Variants in NLGN1 observed in about 807,000 individuals in gnomAD.
The protein encoded by NLGN1 is neuroligin-1.
A neutral mutation model predicts 65.5 loss-of-function variants in NLGN1; 12 were observed. The observed-to-expected ratio is 0.18, with a 90% CI of 0.12 to 0.30. NLGN1 has a LOEUF of 0.30. NLGN1 is among the 10% of genes least tolerant of loss of function. The pLI is 1.00. For missense variants in NLGN1, 750 were observed against 1,007.1 expected, an observed-to-expected ratio of 0.74 and a Z score of 3.46; for synonymous variants, 350 against 359.5, an observed-to-expected ratio of 0.97 and a Z score of 0.30.
intron 2 of NLGN1, among the ~76,000 whole-genome samples, chr3:173,530,061 A>G (rs1736310723): frequency 6.6e-6 from 1 of 151,748 alleles, no homozygotes; most frequent in African/African-American, 2.4e-5. Context: ...GGGTTCAAGC[A>G]ATTATCCTGC....
At chr3:173,431,130 A>G (rs570251662) in intron 1 of NLGN1, among the ~76,000 whole-genome samples, 4 of 152,148 alleles carry the variant, frequency 2.6e-5, no homozygotes, top group South Asian at 2.1e-4. Context: ...AACTTTCCCT[A>G]TTTCACTAGT....
intron 2 of NLGN1, among the ~76,000 whole-genome samples, chr3:173,479,120 A>C (rs1006842893): frequency 3.9e-5 from 6 of 152,190 alleles, no homozygotes; most frequent in Non-Finnish European, 8.8e-5. Flanking sequence ...TAAATAAACA[A>C]GGCTGTTTGC....
intron 4 of NLGN1, among the ~76,000 whole-genome samples, chr3:174,131,737 T>C (rs538850821): frequency 1.3e-5 from 2 of 152,306 alleles, no homozygotes; most frequent in African/African-American, 4.8e-5. Flanking sequence ...TCAAATACTA[T>C]TAGTGAAATT....
intron 3 of NLGN1, among the ~76,000 whole-genome samples, chr3:173,800,697 G>GT (rs936222108): frequency 6.7e-6 from 1 of 150,354 alleles, no homozygotes; most frequent in Non-Finnish European, 1.5e-5. Flanking sequence ...TAGTCTCTCT[G>GT]TGCCCATTTT....
chr3:173,965,956 A>G (rs1035837003), intron 4 of NLGN1, among the ~76,000 whole-genome samples: 4 of 152,062 alleles, frequency 2.6e-5, no homozygotes, highest in African/African-American at 9.7e-5. Context: ...ATTTTGTGGG[A>G]CAGGTGTTAG....
At chr3:173,438,179 T>C (rs905126541) in intron 2 of NLGN1, among the ~76,000 whole-genome samples, 6 of 145,610 alleles carry the variant, frequency 4.1e-5, no homozygotes, top group African/African-American at 1.7e-4. Flanking sequence ...ACTTTCACTT[T>C]AATGGTGGTT....
chr3:173,724,445 T>C, intron 3 of NLGN1: 1 of 213,452 alleles, frequency 4.7e-6, no homozygotes, highest in Non-Finnish European at 1.1e-5. Flanking sequence ...CCAGCTAATT[T>C]CCATATTTGT....
chr3:174,010,210 G>A (rs1725259012), intron 4 of NLGN1, among the ~76,000 whole-genome samples: 1 of 152,104 alleles, frequency 6.6e-6, no homozygotes, highest in African/African-American at 2.4e-5. Flanking sequence ...TAATGCTTTA[G>A]GCCAACTCAG....
chr3:174,029,404 G>T (rs943915546), intron 4 of NLGN1, among the ~76,000 whole-genome samples: 5 of 152,172 alleles, frequency 3.3e-5, no homozygotes, highest in African/African-American at 1.2e-4. Flanking sequence ...GGGGCCTGTA[G>T]CCCCTTTGTT....
intron 4 of NLGN1, among the ~76,000 whole-genome samples, chr3:173,976,764 G>C (rs956894662): frequency 6.6e-6 from 1 of 151,960 alleles, no homozygotes; most frequent in African/African-American, 2.4e-5. Context: ...TTTCTTAGCT[G>C]TCATTTCCTC....
chr3:173,542,291 T>A (rs926699107), intron 2 of NLGN1, among the ~76,000 whole-genome samples: 1 of 152,018 alleles, frequency 6.6e-6, no homozygotes, highest in Non-Finnish European at 1.5e-5. Context: ...CTGCAGATCT[T>A]CTCTAAATAT....
intron 4 of NLGN1, among the ~76,000 whole-genome samples, chr3:173,925,765 AG>A (rs1742886072): frequency 6.6e-6 from 1 of 152,230 alleles, no homozygotes; most frequent in Admixed American, 6.5e-5. Context: ...ATTTAAAAGT[AG>A]ACCAGAGATA....
rs868473274 is a variant in NLGN1 at position 173,818,257 on chromosome 3, A to T, written c.646+10425A>T. ...CATTAAACAAATGAACAAAACATTG[A>T]ATGACATTAAACAAATAAACAAAAC... On this transcript the variant is annotated intron_variant, in intron 4 of 6. Coordinates refer to ENST00000457714, the Ensembl canonical transcript of NLGN1. 1.4e-4 allele frequency among the ~76,000 whole-genome samples: 21 copies of T among 152,344 alleles called. No homozygotes were observed. The Middle Eastern group carries it at 0.014, about 99-fold the overall frequency.
At position 174,081,728 on chromosome 3, in the gene NLGN1, C is replaced by T. The variant is rs138721477; in HGVS notation, c.647-193587C>T. On this transcript the variant is annotated intron_variant, in intron 4 of 6. Coordinates refer to ENST00000457714, the Ensembl canonical transcript of NLGN1. ...CTGGGATTACAGACATGTGCCACCA[C>T]GTCCAGCTAATTTTGTATTTTTAGT... Among the ~76,000 whole-genome samples, 947 of 151,786 alleles carry T rather than the reference C, an allele frequency of 6.2e-3. 14 individuals carry two copies. Among genetic ancestry groups the T allele is most frequent in the African/African-American group, 0.022 (906 of 41,364 alleles).
At chr3:173,926,638 C>T (rs1195702947) in intron 4 of NLGN1, among the ~76,000 whole-genome samples, 1 of 152,196 alleles carries the variant, frequency 6.6e-6, no homozygotes, top group Non-Finnish European at 1.5e-5. Flanking sequence ...TTTTACCTCA[C>T]GAGATTTTCA....
At chr3:174,006,250 A>G (rs1418810299) in intron 4 of NLGN1, among the ~76,000 whole-genome samples, 2 of 152,132 alleles carry the variant, frequency 1.3e-5, no homozygotes, top group South Asian at 2.1e-4. Context: ...CCAGACTTCT[A>G]TTTGTATTCT....
chr3:173,887,346 C>A (rs1223089113), intron 4 of NLGN1, among the ~76,000 whole-genome samples: 1 of 151,898 alleles, frequency 6.6e-6, no homozygotes. Context: ...TTTTTGACTT[C>A]TTTCACTTTT....
Position 173,883,932 on chromosome 3 carries a change from G to A in NLGN1, c.646+76100G>A, listed in dbSNP as rs186506897. On this transcript the variant is annotated intron_variant, in intron 4 of 6. Transcript: ENST00000457714. ...CTGATATTTCACATGAGAAATTGTC[G>A]TTCTAGCATTTTTACTCTTTCCTTG... Among the ~76,000 whole-genome samples the A allele has an allele frequency of 2.4e-4, 36 of 148,470 alleles. 2 individuals carry two copies. Among genetic ancestry groups the A allele is most frequent in the Admixed American group, 2.0e-3 (30 of 14,654 alleles).
At chr3:173,947,428 A>G (rs1309643263) in intron 4 of NLGN1, among the ~76,000 whole-genome samples, 1 of 152,142 alleles carries the variant, frequency 6.6e-6, no homozygotes, top group African/African-American at 2.4e-5. Flanking sequence ...TGTCCTTAGC[A>G]CTTTGTATAT....
Sources: allele counts gnomAD v4.1 joint callset (sites outside exome capture counted in the v4.1 genomes callset), GRCh38; gene constraint gnomAD v4.1.1; transcripts MANE v1.5; gene names NCBI Gene and HGNC (gene_info 2026-07-23, HGNC 2026-07-21).